Variants in KATNAL2 observed in about 807,000 individuals in gnomAD.
KATNAL2 encodes the protein katanin p60 ATPase-containing subunit A-like 2.
Under a neutral mutation model 76.3 loss-of-function variants are expected in KATNAL2, and 52 were observed. The ratio of observed to expected loss-of-function variants is 0.68; its 90% confidence interval spans 0.55 to 0.86. KATNAL2 has a LOEUF of 0.86. KATNAL2 is among the 40% of genes least tolerant of loss of function. The pLI is 0.00. For synonymous variants in KATNAL2, 243 were observed against 244.2 expected, an observed-to-expected ratio of 1.00 and a Z score of 0.05; for missense variants, 660 against 668.9, an observed-to-expected ratio of 0.99 and a Z score of 0.15.
intron 3 of KATNAL2, chr18:47,033,909 T>A: frequency 6.2e-7 from 1 of 1,613,184 alleles, no homozygotes; most frequent in African/African-American, 1.3e-5. Context: ...TGGGCACCGT[T>A]TTCGGCCCGG....
At chr18:46,938,808 T>A (rs2059163159) in intron 1 of KATNAL2, among the ~76,000 whole-genome samples, 1 of 152,128 alleles carries the variant, frequency 6.6e-6, no homozygotes, top group African/African-American at 2.4e-5. Context: ...TATCCCTGGT[T>A]CACTTAGTGT....
chr18:46,945,973 T>C (rs2059373246), intron 1 of KATNAL2, 84 bp from the exon 2 acceptor site: 1 of 153,288 alleles, frequency 6.5e-6, no homozygotes, highest in African/African-American at 2.4e-5. Flanking sequence ...AGGAAGAGGA[T>C]AGCTAGTCCT....
intron 3 of KATNAL2, chr18:47,034,394 C>A (rs569171844): frequency 6.2e-7 from 1 of 1,614,026 alleles, no homozygotes; most frequent in Admixed American, 1.7e-5. Flanking sequence ...ACACGCTGGC[C>A]GCTGCCAGCT....
chr18:46,922,921 A>T (rs531876325), intron 1 of KATNAL2, among the ~76,000 whole-genome samples: 19 of 148,112 alleles, frequency 1.3e-4, no homozygotes, highest in African/African-American at 4.6e-4. Context: ...TTAATATATA[A>T]TATTATATAT....
chr18:47,059,592 T>A lies in KATNAL2; in HGVS notation c.487T>A (p.Phe163Ile). The A allele has an allele frequency of 6.2e-7, 1 of 1,613,758 alleles. No homozygotes were observed. The change falls in exon 8 of 18, where the codon TTC becomes ATC. Residue 163 changes from phenylalanine (F) to isoleucine (I), a missense_variant. Phe to Ile is a conservative substitution (Grantham distance 21, BLOSUM62 0). Coordinates refer to ENST00000683218, the MANE Select transcript of KATNAL2 (RefSeq NM_001387690.1). Reference protein sequence around the residue: ...VDNTRLESANFGLHISRIRKD... With the variant: ...VDNTRLESANIGLHISRIRKD... ...TAACACTCGCCTGGAAAGTGCCAAC[T>A]TCGGCCTACATATATCAAGAATCCG... is the stretch of plus-strand genomic sequence containing the variant.
At chr18:47,078,782 C>T (rs952392829) in intron 15 of KATNAL2, among the ~76,000 whole-genome samples, 7 of 152,156 alleles carry the variant, frequency 4.6e-5, no homozygotes, top group African/African-American at 1.7e-4. Context: ...TTTTCCTAAG[C>T]CCAAATAAAA....
At chr18:47,082,492 AT>A (rs146136992) in intron 15 of KATNAL2, among the ~76,000 whole-genome samples, 99 of 152,360 alleles carry the variant, frequency 6.5e-4, no homozygotes, top group Non-Finnish European at 1.2e-3. Flanking sequence ...TATTAAAAAA[AT>A]AAAATAAAAT....
intron 13 of KATNAL2, among the ~76,000 whole-genome samples, chr18:47,074,527 C>T (rs1159282823): frequency 6.6e-6 from 1 of 152,096 alleles, no homozygotes; most frequent in African/African-American, 2.4e-5. Context: ...AGATCAGTTT[C>T]AGGGTTAAAA....
intron 5 of KATNAL2, 140 bp downstream of exon 5, chr18:47,053,186 A>G: frequency 1.5e-6 from 1 of 662,898 alleles, no homozygotes; most frequent in Non-Finnish European, 2.5e-6. Flanking sequence ...CCATTCTCAT[A>G]TCCAGCACAG....
At chr18:47,032,991 CA>C in intron 3 of KATNAL2, 1 of 1,614,032 alleles carries the variant, frequency 6.2e-7, no homozygotes, top group South Asian at 1.1e-5. Context: ...ATCTGCAAGG[CA>C]AGTCCTGAGT....
chr18:47,072,740 C>T (rs937984270), intron 13 of KATNAL2, among the ~76,000 whole-genome samples: 24 of 152,200 alleles, frequency 1.6e-4, no homozygotes, highest in Non-Finnish European at 2.8e-4. Context: ...TGCCTAGCAT[C>T]TCCCTGCCTT....
chr18:47,067,447 G>A (rs1021410073), intron 11 of KATNAL2, among the ~76,000 whole-genome samples: 1 of 152,152 alleles, frequency 6.6e-6, no homozygotes, highest in Non-Finnish European at 1.5e-5. Context: ...AAATACCTCT[G>A]GTAGGGGAGA....
intron 1 of KATNAL2, among the ~76,000 whole-genome samples, chr18:46,941,220 G>A (rs1018707488): frequency 3.3e-5 from 5 of 151,716 alleles, no homozygotes; most frequent in African/African-American, 7.3e-5. Flanking sequence ...GCTACTGGGG[G>A]TAGGGGTAGG....
At chr18:47,079,390 CTCTTTTTTT>C (rs2062400371) in intron 15 of KATNAL2, among the ~76,000 whole-genome samples, 1 of 151,586 alleles carries the variant, frequency 6.6e-6, no homozygotes, top group Admixed American at 6.6e-5. Context: ...AACAGACGGC[CTCTTTTTTT>C]TCTTTTTTTT....
chr18:47,062,874 C>A, intron 8 of KATNAL2, 98 bp from the exon 9 acceptor site: 1 of 845,818 alleles, frequency 1.2e-6, no homozygotes, highest in East Asian at 2.5e-5. Context: ...CCCTATATAC[C>A]AGGGTCTATA....
chr18:46,939,275 G>C (rs1196452087), intron 1 of KATNAL2, among the ~76,000 whole-genome samples: 1 of 151,488 alleles, frequency 6.6e-6, no homozygotes, highest in East Asian at 1.9e-4. Flanking sequence ...GGAGGTTGCA[G>C]TGAACCGAGA....
intron 11 of KATNAL2, among the ~76,000 whole-genome samples, chr18:47,067,822 C>T (rs555499844): frequency 1.6e-4 from 24 of 152,328 alleles, no homozygotes; most frequent in African/African-American, 5.8e-4. Context: ...GAGCTGGGCT[C>T]AGCTGGGCTG....
intron 3 of KATNAL2, among the ~76,000 whole-genome samples, chr18:47,040,813 G>T (rs1049849685): frequency 7.9e-5 from 12 of 152,016 alleles, no homozygotes; most frequent in African/African-American, 2.4e-4. Flanking sequence ...ACCAAAATGT[G>T]TTTTTTTCTC....
At chr18:46,950,567 A>G (rs2059520474) in intron 3 of KATNAL2, among the ~76,000 whole-genome samples, 1 of 152,178 alleles carries the variant, frequency 6.6e-6, no homozygotes, top group African/African-American at 2.4e-5. Flanking sequence ...ATAATAGTTC[A>G]ACAAAATTTG....
Sources: gnomAD v4.1 joint callset for allele counts (sites outside exome capture counted in the v4.1 genomes callset) on GRCh38, gnomAD v4.1.1 for gene constraint, MANE v1.5 for transcripts, NCBI Gene and HGNC (gene_info 2026-07-23, HGNC 2026-07-21) for gene names.